The following CETN3 variants were observed in gnomAD, a reference collection of about 807,000 sequenced individuals.
CETN3 encodes the protein centrin-3.
CETN3 carries 17 observed loss-of-function variants against 20.1 expected under a neutral mutation model. That is an observed-to-expected ratio of 0.85 (90% CI 0.58 to 1.27). The LOEUF (loss-of-function observed/expected upper bound fraction) is 1.27. Among genes scored for constraint, CETN3 ranks in the 50% most tolerant of loss-of-function variants. The pLI is 0.00. For synonymous variants in CETN3, 52 were observed against 59.7 expected (o/e 0.87, Z 0.59); for missense variants, 169 against 191.2 (o/e 0.88, Z 0.69).
chr5:90,409,558 CG>C, intron 1 of CETN3, 86 bp downstream of exon 1: 1 of 1,509,220 alleles, frequency 6.6e-7, no homozygotes, highest in East Asian at 2.3e-5. Flanking sequence ...TGCCTCGCCT[CG>C]GCCCCAAACG....
intron 3 of CETN3, among the ~76,000 whole-genome samples, chr5:90,400,461 C>T (rs1302636940): frequency 4.6e-5 from 7 of 151,686 alleles, no homozygotes; most frequent in Admixed American, 2.6e-4. Flanking sequence ...AAATAAAATT[C>T]TAACAGTATC....
chr5:90,399,194 T>G, intron 4 of CETN3, 164 bp downstream of exon 4: 1 of 652,628 alleles, frequency 1.5e-6, no homozygotes, highest in Non-Finnish European at 2.6e-6. Flanking sequence ...GTTTTAGAGA[T>G]CTGCTTCATT....
At chr5:90,403,551 G>A (rs1195794312) in intron 3 of CETN3, among the ~76,000 whole-genome samples, 2 of 152,106 alleles carry the variant, frequency 1.3e-5, no homozygotes, top group African/African-American at 4.8e-5. Context: ...AGGTGGCATG[G>A]GATTCTGGTC....
Position 90,405,743 on chromosome 5 carries a change from A to T in CETN3, c.210T>A (p.Leu70=). 2 of 1,613,078 alleles carry T rather than the reference A, an allele frequency of 1.2e-6. No individual in the cohort carries two copies. The highest frequency in any genetic ancestry group is 1.7e-6 in the Non-Finnish European group (2 of 1,179,438). ...CTGTGGCTTCTCTGTCATAATCTTT[A>T]AGAATCTTCAGTACATCAGCTTTTT... The part of the protein sequence containing the change: ...DVKKADVLKI[L]KDYDREATGK... The change falls in exon 3 of 5, where the codon CTT becomes CTA. Residue 70 remains leucine (L), a synonymous_variant. Transcript: ENST00000283122.
rs1554069172 is a variant in CETN3, at chr5:90,409,674, C to T, written c.-13G>A. ...GAGCTAAACTCATTATCTCTTCGCA[C>T]AGAGACGTTCCTCTCAAGAACGATT... On this transcript the variant is annotated 5_prime_UTR_variant, in exon 1 of 5. In the 5' UTR this introduces an upstream ATG that the reference lacks. Transcript: ENST00000283122. The T allele has an allele frequency of 6.2e-7, 1 of 1,614,174 alleles. No individual in the cohort carries two copies. Among genetic ancestry groups the T allele is most frequent in the East Asian group, 2.2e-5 (1 of 44,874 alleles).
At chr5:90,403,646 C>T (rs921895403) in intron 3 of CETN3, among the ~76,000 whole-genome samples, 30 of 151,596 alleles carry the variant, frequency 2.0e-4, no homozygotes, top group Middle Eastern at 3.4e-3. Flanking sequence ...CCGAGGCGGG[C>T]GGATCACGAG....
chr5:90,400,588 T>TAAAAAAA (rs200830960), intron 3 of CETN3, among the ~76,000 whole-genome samples: 1 of 116,452 alleles, frequency 8.6e-6, no homozygotes, highest in African/African-American at 3.2e-5. Flanking sequence ...ACAGAATCAT[T>TAAAAAAA]AAAAAAAAAA....
intron 3 of CETN3, 135 bp downstream of exon 3, chr5:90,405,550 C>T: frequency 1.7e-6 from 1 of 573,092 alleles, no homozygotes; most frequent in Non-Finnish European, 3.0e-6. Flanking sequence ...CAAAACAAAA[C>T]TGAGTAAGAG....
chr5:90,399,338 A>G lies in CETN3; in HGVS notation c.460+20T>C. On this transcript the variant is annotated intron_variant, in intron 4 of 4. Coordinates refer to ENST00000283122, the MANE Select transcript of CETN3 (RefSeq NM_004365.4). ...GTAGCATCAGGAAAACCTGGAAAAT[A>G]CGTTTCACTTAAAACTTACTTTCTC... 6.2e-7 allele frequency: 1 copy of G among 1,612,036 alleles called. No individual in the cohort carries two copies. The highest frequency in any genetic ancestry group is 8.5e-7 in the Non-Finnish European group (1 of 1,178,250).
In CETN3 at chr5:90,392,324, G is replaced by A. The variant is rs1749038372; in HGVS notation, c.*1740C>T. The A allele has an allele frequency of 6.6e-6, 1 of 152,010 alleles. No individual in the cohort carries two copies. Among genetic ancestry groups the A allele is most frequent in the African/African-American group, 2.4e-5 (1 of 41,364 alleles). 9.4% of individuals were successfully genotyped at this position (152,010 alleles called of 1,614,324 possible). ...CAATATATTTCATGATCAAGACAGA[G>A]GGAACTCATCAGTGTGCGACAAAAA... On this transcript the variant is annotated 3_prime_UTR_variant, in exon 5 of 5. Coordinates refer to ENST00000283122, the MANE Select transcript of CETN3 (RefSeq NM_004365.4).
Position 90,395,244 on chromosome 5 carries a change from C to T in CETN3, c.461-1137G>A, listed in dbSNP as rs561333028. Among the ~76,000 whole-genome samples the T allele has an allele frequency of 4.1e-4, 63 of 151,950 alleles. 2 individuals are homozygous for T. Among genetic ancestry groups the T allele is most frequent in the African/African-American group, 1.5e-3 (61 of 41,430 alleles). The stretch of plus-strand genomic sequence containing the variant: ...AATGCCAACACCACAATAAGTGTTG[C>T]GTAATATATCAAAACAGACACCAGG... On this transcript the variant is annotated intron_variant, in intron 4 of 4. Transcript: ENST00000283122.
intron 1 of CETN3, among the ~76,000 whole-genome samples, chr5:90,408,446 T>C (rs1749524683): frequency 6.6e-6 from 1 of 152,182 alleles, no homozygotes; most frequent in South Asian, 2.1e-4. Context: ...CCATCGAAAA[T>C]ATTAATGAGT....
intron 3 of CETN3, among the ~76,000 whole-genome samples, chr5:90,401,379 T>C (rs1230334143): frequency 6.6e-6 from 1 of 152,182 alleles, no homozygotes; most frequent in Admixed American, 6.5e-5. Context: ...ATGAAAATAT[T>C]AGTAAACTGA....
chr5:90,399,833 T>C (rs1257960139), intron 3 of CETN3, among the ~76,000 whole-genome samples: 11 of 152,220 alleles, frequency 7.2e-5, no homozygotes, highest in African/African-American at 2.4e-4. Flanking sequence ...ACTACATTTA[T>C]ACCATATTTA....
rs979003943 is a variant in CETN3 at position 90,393,143 on chromosome 5, C to A, written c.*921G>T. The A allele has an allele frequency of 6.6e-6, 1 of 152,126 alleles. No individual in the cohort carries two copies. The highest frequency in any genetic ancestry group is 2.4e-5 in the African/African-American group (1 of 41,406). The allele number at this position is 152,126 out of a possible 1,614,324, so 9.4% of individuals were successfully genotyped here. ...ATACACTTCTACAAGGCAGAAGAGC[C>A]CACCAGTACTTGGAAACTGTGTCTC... On this transcript the variant is annotated 3_prime_UTR_variant, in exon 5 of 5. Transcript: ENST00000283122.
chr5:90,396,390 A>G, intron 4 of CETN3: 1 of 1,421,952 alleles, frequency 7.0e-7, no homozygotes, highest in Non-Finnish European at 9.2e-7. Flanking sequence ...TTTGCAGTTA[A>G]ATAGCCATGT....
chr5:90,401,116 T>A (rs1432001384), intron 3 of CETN3, among the ~76,000 whole-genome samples: 4 of 152,198 alleles, frequency 2.6e-5, no homozygotes, highest in Admixed American at 1.3e-4. Context: ...CAGATGGGGC[T>A]CCAAGATGTA....
At chr5:90,399,283 C>T in intron 4 of CETN3, 75 bp downstream of exon 4, 1 of 1,378,518 alleles carries the variant, frequency 7.3e-7, no homozygotes, top group Non-Finnish European at 1.0e-6. Context: ...TCTTGCAAGT[C>T]ATTTGGTTTT....
At chr5:90,403,664 G>A (rs891100353) in intron 3 of CETN3, among the ~76,000 whole-genome samples, 9 of 151,740 alleles carry the variant, frequency 5.9e-5, no homozygotes, top group Middle Eastern at 3.4e-3. Flanking sequence ...GAGGTCAGGA[G>A]ATCGAGACCA....
Sources: gnomAD v4.1 joint callset for allele counts (sites outside exome capture counted in the v4.1 genomes callset) on GRCh38, gnomAD v4.1.1 for gene constraint, MANE v1.5 for transcripts, NCBI Gene and HGNC (gene_info 2026-07-23, HGNC 2026-07-21) for gene names.